The following MLIP variants were observed in gnomAD, a reference collection of about 807,000 sequenced individuals.
The protein encoded by MLIP is muscular LMNA interacting protein.
MLIP carries 79 observed loss-of-function variants against 84.8 expected under a neutral mutation model. The observed-to-expected ratio is 0.93, with a 90% CI of 0.78 to 1.12. MLIP has a LOEUF of 1.12. Among genes scored for constraint, MLIP ranks in the 50% most tolerant of loss-of-function variants. The probability of loss-of-function intolerance (pLI) is 0.00; values close to 1 mark genes in which losing one functional copy is unlikely to be tolerated. For synonymous variants in MLIP, 504 were observed against 463.0 expected (o/e 1.09, Z -1.14); for missense variants, 1,257 against 1,160.6 (o/e 1.08, Z -1.21).
At position 54,218,906 on chromosome 6, in the gene MLIP, A is replaced by G. The variant is rs1326600133; in HGVS notation, c.2719-11808A>G. On this transcript the variant is annotated intron_variant, in intron 11 of 13. Transcript: ENST00000502396. ...TTAAACTTTTTGACTCTTATAATAA[A>G]CAAAATGCAAACACAGGCCAGGTGC... Among the ~76,000 whole-genome samples, 5 of 151,854 alleles carry G rather than the reference A, an allele frequency of 3.3e-5. No homozygotes were observed. The South Asian group carries it at 8.3e-4, about 25-fold the overall frequency.
chr6:54,100,305 C>CT (rs11440108), intron 1 of MLIP, among the ~76,000 whole-genome samples: 149,576 of 152,084 alleles, frequency 0.98, 73,601 homozygotes, highest in Non-Finnish European at 1. Context: ...ACATAAAGTG[C>CT]TTTTTTTCTG....
intron 11 of MLIP, chr6:54,216,550 T>TTC: frequency 1.0e-6 from 1 of 984,540 alleles, no homozygotes; most frequent in East Asian, 1.1e-4. Flanking sequence ...ACCATACACT[T>TTC]TAAGCACTAA....
intron 1 of MLIP, among the ~76,000 whole-genome samples, chr6:54,075,235 C>T (rs369393475): frequency 5.2e-5 from 5 of 96,698 alleles, no homozygotes; most frequent in African/African-American, 1.8e-4. Flanking sequence ...CAACAAGAGC[C>T]AAACTCCGTC....
intron 1 of MLIP, among the ~76,000 whole-genome samples, chr6:54,081,555 C>T (rs1767152434): frequency 6.6e-6 from 1 of 152,122 alleles, no homozygotes; most frequent in Non-Finnish European, 1.5e-5. Flanking sequence ...ATTACAGGCG[C>T]CCGCCACCAT....
chr6:54,099,863 T>C (rs904034788), intron 1 of MLIP, among the ~76,000 whole-genome samples: 6 of 152,012 alleles, frequency 3.9e-5, no homozygotes, highest in Admixed American at 3.9e-4. Flanking sequence ...CTTCATTTTA[T>C]GAAGAGATAT....
At chr6:54,131,255 G>A (rs1466322467) in intron 3 of MLIP, among the ~76,000 whole-genome samples, 1 of 152,212 alleles carries the variant, frequency 6.6e-6, no homozygotes, top group African/African-American at 2.4e-5. Context: ...CAAGGTGTCA[G>A]TCAGGTTGGC....
chr6:54,199,141 C>G (rs956291744), intron 10 of MLIP, among the ~76,000 whole-genome samples: 1 of 151,854 alleles, frequency 6.6e-6, no homozygotes, highest in Non-Finnish European at 1.5e-5. Flanking sequence ...CATATAAAAA[C>G]TACAGGAGCT....
intron 1 of MLIP, chr6:54,046,930 AC>A (rs1765093670): frequency 6.6e-6 from 1 of 152,224 alleles, no homozygotes; most frequent in Admixed American, 6.5e-5. Flanking sequence ...TAGGTTGAAA[AC>A]AAAAAAGTAA....
At chr6:54,215,253 C>T in intron 11 of MLIP, 2 of 1,497,910 alleles carry the variant, frequency 1.3e-6, no homozygotes. Context: ...TTTGACTTTC[C>T]TACTTCCTGA....
At chr6:54,023,034 G>T (rs992046756) in intron 1 of MLIP, among the ~76,000 whole-genome samples, 2 of 151,994 alleles carry the variant, frequency 1.3e-5, no homozygotes, top group African/African-American at 4.8e-5. Flanking sequence ...GGGCGTGGTG[G>T]CAGGCACCTG....
At chr6:54,224,778 C>T (rs1388440343) in intron 11 of MLIP, among the ~76,000 whole-genome samples, 9 of 151,886 alleles carry the variant, frequency 5.9e-5, no homozygotes, top group Admixed American at 5.9e-4. Context: ...TTGTATCATT[C>T]TTAGGCCTTT....
intron 10 of MLIP, among the ~76,000 whole-genome samples, chr6:54,198,124 C>A (rs1467977042): frequency 1.3e-5 from 2 of 152,064 alleles, no homozygotes; most frequent in African/African-American, 2.4e-5. Context: ...GTATTGAGTT[C>A]AAGTCTAGTG....
intron 12 of MLIP, among the ~76,000 whole-genome samples, 194 bp downstream of exon 12, chr6:54,231,111 T>C (rs777445251): frequency 1.1e-4 from 17 of 151,952 alleles, no homozygotes; most frequent in Non-Finnish European, 7.4e-5. Context: ...ACTTGGGAAA[T>C]AATAAACATT....
At chr6:54,170,791 C>G (rs1775689725) in intron 9 of MLIP, among the ~76,000 whole-genome samples, 1 of 151,564 alleles carries the variant, frequency 6.6e-6, no homozygotes, top group Non-Finnish European at 1.5e-5. Context: ...AAAAGCTTTT[C>G]CTTTCCTTTC....
intron 10 of MLIP, 114 bp from the exon 11 acceptor site, chr6:54,201,991 A>T (rs1230278290): frequency 2.7e-6 from 2 of 747,926 alleles, no homozygotes; most frequent in African/African-American, 3.7e-5. Context: ...TTTAAAATTA[A>T]AAAAATATAA....
chr6:54,191,632 T>C (rs1056001884), intron 10 of MLIP, among the ~76,000 whole-genome samples: 1 of 152,194 alleles, frequency 6.6e-6, no homozygotes, highest in African/African-American at 2.4e-5. Flanking sequence ...GAGCATTCTA[T>C]TGCGTACTTT....
chr6:54,240,129 A>AAAC (rs776178257), intron 12 of MLIP, among the ~76,000 whole-genome samples: 4 of 152,232 alleles, frequency 2.6e-5, no homozygotes, highest in Non-Finnish European at 4.4e-5. Context: ...GTGAAGTGAC[A>AAAC]AACAACAACA....
At chr6:54,118,793 T>A (rs1431752564) in intron 1 of MLIP, among the ~76,000 whole-genome samples, 1 of 151,798 alleles carries the variant, frequency 6.6e-6, no homozygotes, top group Non-Finnish European at 1.5e-5. Context: ...AACCAAAAAA[T>A]ATTAAAAAAA....
intron 1 of MLIP, among the ~76,000 whole-genome samples, chr6:54,093,944 T>C (rs544452235): frequency 6.6e-6 from 1 of 152,328 alleles, no homozygotes; most frequent in South Asian, 2.1e-4. Flanking sequence ...AATTGTCTGA[T>C]AATGAATGTA....
Sources: gnomAD v4.1 joint callset for allele counts (sites outside exome capture counted in the v4.1 genomes callset) on GRCh38, gnomAD v4.1.1 for gene constraint, MANE v1.5 for transcripts, NCBI Gene and HGNC (gene_info 2026-07-23, HGNC 2026-07-21) for gene names.